Variants in TTC6 observed in about 807,000 individuals in gnomAD.
TTC6 encodes tetratricopeptide repeat protein 6.
A neutral mutation model predicts 210.4 loss-of-function variants in TTC6; 172 were observed. That is an observed-to-expected ratio of 0.82 (90% confidence interval 0.72 to 0.93). The LOEUF is 0.93. Among genes scored for constraint, TTC6 ranks in the 40% least tolerant of loss-of-function variants. The pLI, the probability that TTC6 is intolerant of heterozygous loss-of-function variation, is 0.00. For synonymous variants in TTC6, 804 were observed against 819.6 expected, an observed-to-expected ratio of 0.98 and a Z score of 0.32; for missense variants, 2,414 against 2,318.1, an observed-to-expected ratio of 1.04 and a Z score of -0.85.
At chr14:37,707,284 T>C (rs1052487130) in intron 5 of TTC6, among the ~76,000 whole-genome samples, 4 of 152,204 alleles carry the variant, frequency 2.6e-5, no homozygotes, top group Admixed American at 1.3e-4. Context: ...GCTCTTCTTA[T>C]ATGCAAATAT....
At chr14:37,720,944 G>A (rs1318394631) in intron 6 of TTC6, among the ~76,000 whole-genome samples, 2 of 152,002 alleles carry the variant, frequency 1.3e-5, no homozygotes, top group Non-Finnish European at 2.9e-5. Flanking sequence ...ATGGTACTAT[G>A]GTTTTGCCTG....
chr14:37,618,433 G>A (rs1305608911), upstream of TTC6, among the ~76,000 whole-genome samples: 2 of 152,114 alleles, frequency 1.3e-5, no homozygotes, highest in Non-Finnish European at 2.9e-5. Context: ...TAATCAACCT[G>A]GTTTGTGAGC....
chr14:37,827,160 T>C, intron 28 of TTC6, 36 bp from the exon 31 acceptor site: 1 of 1,547,918 alleles, frequency 6.5e-7, no homozygotes, highest in Middle Eastern at 1.7e-4. Flanking sequence ...TAAATACTAT[T>C]CCCCAATGTT....
At chr14:37,727,236 T>A (rs1044915857) in intron 7 of TTC6, among the ~76,000 whole-genome samples, 2 of 151,736 alleles carry the variant, frequency 1.3e-5, no homozygotes, top group Non-Finnish European at 2.9e-5. Flanking sequence ...ATATTTTTGA[T>A]TATTGGCTTT....
chr14:37,677,942 T>C (rs532851411), intron 1 of TTC6, among the ~76,000 whole-genome samples: 1 of 152,256 alleles, frequency 6.6e-6, no homozygotes, highest in East Asian at 1.9e-4. Context: ...TGAACACTTA[T>C]AATATTTATA....
chr14:37,822,346 A>C (rs1378295985), intron 26 of TTC6, among the ~76,000 whole-genome samples: 1 of 152,194 alleles, frequency 6.6e-6, no homozygotes, highest in Non-Finnish European at 1.5e-5. Flanking sequence ...AGGAAGGGGT[A>C]GTTTGGGAAT....
chr14:37,760,588 C>A (rs563868569), intron 14 of TTC6, among the ~76,000 whole-genome samples: 2 of 152,188 alleles, frequency 1.3e-5, no homozygotes, highest in Non-Finnish European at 2.9e-5. Context: ...CAGGCAGGAA[C>A]GTTTAAGTCC....
At chr14:37,710,829 G>A (rs371448401) in intron 5 of TTC6, among the ~76,000 whole-genome samples, 1 of 152,080 alleles carries the variant, frequency 6.6e-6, no homozygotes, top group African/African-American at 2.4e-5. Flanking sequence ...AGGATCTATC[G>A]CAAACCTACT....
chr14:37,663,530 T>C (rs2095741666), intron 1 of TTC6, among the ~76,000 whole-genome samples: 1 of 152,172 alleles, frequency 6.6e-6, no homozygotes, highest in Non-Finnish European at 1.5e-5. Flanking sequence ...TCAAGATTTG[T>C]GAGTTAATTT....
At chr14:37,812,154 G>T (rs149264908) in intron 24 of TTC6, among the ~76,000 whole-genome samples, 160 bp from the exon 27 acceptor site, 198 of 152,178 alleles carry the variant, frequency 1.3e-3, no homozygotes, top group African/African-American at 4.6e-3. Context: ...TTACCTAAGG[G>T]TACCCTTTAA....
intron 1 of TTC6, among the ~76,000 whole-genome samples, chr14:37,637,484 A>ATGGACACCTAAT (rs2095683191): frequency 6.6e-6 from 1 of 152,166 alleles, no homozygotes; most frequent in African/African-American, 2.4e-5. Flanking sequence ...CAATTAGAAA[A>ATGGACACCTAAT]TGGACACCAT....
intron 1 of TTC6, among the ~76,000 whole-genome samples, chr14:37,600,953 G>A (rs757429175): frequency 3.3e-5 from 5 of 152,240 alleles, no homozygotes; most frequent in Non-Finnish European, 5.9e-5. Flanking sequence ...TTACCTTGCA[G>A]TGAGTTTGCT....
At chr14:37,831,744 T>G in intron 29 of TTC6, among the ~76,000 whole-genome samples, 1 of 79,446 alleles carries the variant, frequency 1.3e-5, no homozygotes, top group East Asian at 3.5e-4. Context: ...CCGTCTGTTA[T>G]GTCTTTTCAG....
At chr14:37,714,622 A>G (rs2095849547) in intron 5 of TTC6, 33 bp from the exon 8 acceptor site, 2 of 1,520,892 alleles carry the variant, frequency 1.3e-6, no homozygotes, top group Admixed American at 2.0e-5. Context: ...CAATTACTTA[A>G]AAAGCAAACT....
chr14:37,635,680 A>C (rs1223589690), intron 1 of TTC6, among the ~76,000 whole-genome samples: 1 of 152,164 alleles, frequency 6.6e-6, no homozygotes, highest in Non-Finnish European at 1.5e-5. Flanking sequence ...TTCAGAGCAA[A>C]GAAAATTACC....
chr14:37,701,495 G>T, exon 5 of TTC6: 1 of 1,512,000 alleles, frequency 6.6e-7, no homozygotes, highest in South Asian at 1.3e-5. Context: ...TTTCTTAGAT[G>T]ATCGCTTTAC....
At chr14:37,749,506 C>T (rs1304785771) in intron 11 of TTC6, 105 bp downstream of exon 13, 1 of 1,209,584 alleles carries the variant, frequency 8.3e-7, no homozygotes, top group Non-Finnish European at 1.1e-6. Context: ...TATAGTATAG[C>T]ATGTGGAATT....
At chr14:37,620,596 T>C (rs1244589503), upstream of TTC6, among the ~76,000 whole-genome samples, 1 of 152,226 alleles carries the variant, frequency 6.6e-6, no homozygotes, top group Non-Finnish European at 1.5e-5. Flanking sequence ...TGTGTAATGA[T>C]CTTTCAAGAT....
In TTC6 at chr14:37,804,832, G is replaced by T; in HGVS notation, c.4164+18G>T. The T allele has an allele frequency of 6.2e-7, 1 of 1,611,688 alleles. No individual in the cohort carries two copies. Among genetic ancestry groups the T allele is most frequent in the Non-Finnish European group, 8.5e-7 (1 of 1,178,862 alleles). On this transcript the variant is annotated intron_variant, in intron 21 of 30. Transcript: ENST00000553443. ...TACAAATGGTATTTCGTGTATTTAGGAGTATAGATTATTTGTGATTTTAGA... is the reference window on the plus strand; with the variant it reads ...TACAAATGGTATTTCGTGTATTTAGTAGTATAGATTATTTGTGATTTTAGA...
Sources: allele counts gnomAD v4.1 joint callset (sites outside exome capture counted in the v4.1 genomes callset), GRCh38; gene constraint gnomAD v4.1.1; transcripts MANE v1.5; gene names NCBI Gene and HGNC (gene_info 2026-07-23, HGNC 2026-07-21).